NALF1: variants seen among roughly 807,000 people sequenced by gnomAD.
The protein encoded by NALF1 is family with sequence similarity 155 member A.
In NALF1, 3 loss-of-function variants were observed where a neutral mutation model predicts 48.4. That is an observed-to-expected ratio of 0.06 (90% CI 0.03 to 0.16). The LOEUF (loss-of-function observed/expected upper bound fraction) is 0.16. Among genes scored for constraint, NALF1 ranks in the 10% least tolerant of loss-of-function variants. The pLI is 1.00. For missense variants in NALF1, 526 were observed against 571.5 expected (o/e 0.92, Z 0.81); for synonymous variants, 262 against 245.7 (o/e 1.07, Z -0.62).
At chr13:107,224,991 TTTA>T (rs1047802991) in intron 1 of NALF1, among the ~76,000 whole-genome samples, 1 of 59,380 alleles carries the variant, frequency 1.7e-5, no homozygotes. Context: ...AACATTTATT[TTTA>T]TTTTATTTTA....
chr13:107,370,187 G>T (rs550757645), intron 1 of NALF1, among the ~76,000 whole-genome samples: 3 of 152,278 alleles, frequency 2.0e-5, no homozygotes, highest in African/African-American at 7.2e-5. Flanking sequence ...GCAGTTTGGG[G>T]GACGTTAGCT....
chr13:107,413,519 T>C (rs939033223), intron 1 of NALF1, among the ~76,000 whole-genome samples: 9 of 152,292 alleles, frequency 5.9e-5, no homozygotes, highest in Non-Finnish European at 1.3e-4. Context: ...CACAATTGAA[T>C]TGTAGATGCT....
intron 1 of NALF1, among the ~76,000 whole-genome samples, chr13:107,780,105 T>C (rs552131330): frequency 6.6e-6 from 1 of 152,174 alleles, no homozygotes; most frequent in African/African-American, 2.4e-5. Flanking sequence ...GTTGTTGTTA[T>C]TGCAGAAACA....
At chr13:107,422,360 C>T (rs1884203354) in intron 1 of NALF1, among the ~76,000 whole-genome samples, 1 of 152,158 alleles carries the variant, frequency 6.6e-6, no homozygotes, top group Admixed American at 6.6e-5. Context: ...AAATCAACAA[C>T]TGTCCACTGA....
At chr13:107,767,419 T>C (rs1877446146) in intron 1 of NALF1, among the ~76,000 whole-genome samples, 1 of 152,196 alleles carries the variant, frequency 6.6e-6, no homozygotes, top group African/African-American at 2.4e-5. Flanking sequence ...TTGCAGTAAC[T>C]GGTTATTCAA....
intron 2 of NALF1, among the ~76,000 whole-genome samples, chr13:107,194,428 A>G (rs913514740): frequency 1.3e-5 from 2 of 152,198 alleles, no homozygotes; most frequent in African/African-American, 4.8e-5. Flanking sequence ...AAATACTTAC[A>G]GCCAACTGAT....
At chr13:107,792,085 G>T (rs1039717462) in intron 1 of NALF1, among the ~76,000 whole-genome samples, 26 of 152,176 alleles carry the variant, frequency 1.7e-4, no homozygotes, top group African/African-American at 6.0e-4. Context: ...TTAAAATGTT[G>T]TCCCACTTTG....
intron 1 of NALF1, among the ~76,000 whole-genome samples, chr13:107,325,845 CACACACACACATATATATATATATATAT>C (rs1425255402): frequency 9.1e-5 from 4 of 44,072 alleles, no homozygotes; most frequent in Middle Eastern, 0.013. Context: ...TGTCTCAACA[CACACACACACATATATATATATATATAT>C]ATATATATAT....
intron 1 of NALF1, among the ~76,000 whole-genome samples, chr13:107,736,233 G>A (rs1011826482): frequency 5.0e-4 from 74 of 149,024 alleles, no homozygotes; most frequent in African/African-American, 1.8e-3. Flanking sequence ...ACGCGCGCGT[G>A]TACCTAATAA....
chr13:107,627,414 C>A (rs900483848), intron 1 of NALF1, among the ~76,000 whole-genome samples: 9 of 152,006 alleles, frequency 5.9e-5, no homozygotes, highest in African/African-American at 1.9e-4. Context: ...ATAATGGAGT[C>A]CATGATTCAA....
At chr13:107,663,057 A>G (rs991493981) in intron 1 of NALF1, among the ~76,000 whole-genome samples, 10 of 152,094 alleles carry the variant, frequency 6.6e-5, no homozygotes, top group Middle Eastern at 3.2e-3. Flanking sequence ...CCCCCTCCTC[A>G]CTTGTTGTGA....
chr13:107,553,824 C>A (rs958582147), intron 1 of NALF1, among the ~76,000 whole-genome samples: 1 of 152,168 alleles, frequency 6.6e-6, no homozygotes, highest in Non-Finnish European at 1.5e-5. Flanking sequence ...GGAGCAATTG[C>A]GCTTCCTCCA....
chr13:107,223,197 A>G (rs1430428377), intron 1 of NALF1, among the ~76,000 whole-genome samples: 1 of 152,216 alleles, frequency 6.6e-6, no homozygotes, highest in Non-Finnish European at 1.5e-5. Context: ...GTAAATGCTC[A>G]TACTAAATTT....
At chr13:107,721,968 A>G (rs1241056203) in intron 1 of NALF1, among the ~76,000 whole-genome samples, 1 of 152,186 alleles carries the variant, frequency 6.6e-6, no homozygotes, top group Non-Finnish European at 1.5e-5. Flanking sequence ...AATAAGAAAC[A>G]TCACTGAGGG....
At chr13:107,503,330 C>T (rs9587395) in intron 1 of NALF1, among the ~76,000 whole-genome samples, 48,693 of 151,940 alleles carry the variant, frequency 0.32, 9,118 homozygotes, top group Middle Eastern at 0.45. Flanking sequence ...TCTTTAAATT[C>T]CAACAGGTAT....
chr13:107,733,026 A>T (rs9555405), intron 1 of NALF1, among the ~76,000 whole-genome samples: 1 of 151,974 alleles, frequency 6.6e-6, no homozygotes, highest in Non-Finnish European at 1.5e-5. Flanking sequence ...GATTAATATA[A>T]AGAATGTATG....
intron 1 of NALF1, among the ~76,000 whole-genome samples, chr13:107,816,892 A>G (rs1879183648): frequency 6.6e-6 from 1 of 152,218 alleles, no homozygotes; most frequent in South Asian, 2.1e-4. Flanking sequence ...AGGTCTGCCA[A>G]TCAAGCAAAT....
chr13:107,314,474 C>T (rs992075015), intron 1 of NALF1, among the ~76,000 whole-genome samples: 3 of 152,080 alleles, frequency 2.0e-5, no homozygotes, highest in African/African-American at 7.2e-5. Flanking sequence ...CTTGATTCTT[C>T]AGAAAGATTT....
At chr13:107,484,833 GA>G (rs1885303288) in intron 1 of NALF1, among the ~76,000 whole-genome samples, 1 of 152,086 alleles carries the variant, frequency 6.6e-6, no homozygotes, top group Non-Finnish European at 1.5e-5. Flanking sequence ...AGAACTCCAG[GA>G]ACATATAAGC....
Sources: gnomAD v4.1 joint callset for allele counts (sites outside exome capture counted in the v4.1 genomes callset) on GRCh38, gnomAD v4.1.1 for gene constraint, MANE v1.5 for transcripts, NCBI Gene and HGNC (gene_info 2026-07-23, HGNC 2026-07-21) for gene names.